The following PBRM1 variants were observed in gnomAD, a reference collection of about 807,000 sequenced individuals.
PBRM1 encodes protein polybromo-1.
PBRM1 carries 27 observed loss-of-function variants against 194.5 expected under a neutral mutation model. The ratio of observed to expected loss-of-function variants is 0.14; its 90% CI spans 0.10 to 0.19. PBRM1 has a LOEUF of 0.19. Among genes scored for constraint, PBRM1 ranks in the 10% least tolerant of loss-of-function variants. The pLI, the probability that PBRM1 is intolerant of heterozygous loss-of-function variation, is 1.00. For synonymous variants in PBRM1, 655 were observed against 693.2 expected, an observed-to-expected ratio of 0.94 and a Z score of 0.87; for missense variants, 1,466 against 2,077.2, an observed-to-expected ratio of 0.71 and a Z score of 5.72.
intron 4 of PBRM1, among the ~76,000 whole-genome samples, chr3:52,659,206 C>T (rs2096668222): frequency 6.6e-6 from 1 of 152,150 alleles, no homozygotes; most frequent in African/African-American, 2.4e-5. Context: ...GAAGTATATG[C>T]CCCAAAGAGT....
At chr3:52,605,034 T>G (rs966680752) in intron 16 of PBRM1, among the ~76,000 whole-genome samples, 3 of 152,020 alleles carry the variant, frequency 2.0e-5, no homozygotes, top group African/African-American at 7.2e-5. Flanking sequence ...CTTTAGAATT[T>G]TGACTGGAGG....
chr3:52,618,402 C>T (rs1449824133), intron 13 of PBRM1, among the ~76,000 whole-genome samples: 2 of 152,070 alleles, frequency 1.3e-5, no homozygotes, highest in African/African-American at 4.8e-5. Flanking sequence ...AAAAGACTTG[C>T]CCAAGGTAAG....
rs869059650 is a variant in PBRM1, at chr3:52,674,627, CA to C, written c.236+3872del. Among the ~76,000 whole-genome samples the C allele has an allele frequency of 5.2e-3, 564 of 109,040 alleles. 2 individuals carry two copies. Among genetic ancestry groups the C allele is most frequent in the Non-Finnish European group, 6.7e-3 (399 of 59,234 alleles). 71.5% of individuals were successfully genotyped at this position (109,040 alleles called of 152,430 possible). ...CAACACAGGGAAACCCTGTCTCTAC[CA>C]AAAAAAAAAAAAAAAATATATATAT... On this transcript the variant is annotated intron_variant, in intron 2 of 29. Coordinates refer to ENST00000296302, the Ensembl canonical transcript of PBRM1.
At chr3:52,589,383 G>A (rs1560126258) in intron 17 of PBRM1, 128 bp from the exon 20 acceptor site, 5 of 517,374 alleles carry the variant, frequency 9.7e-6, no homozygotes, top group Non-Finnish European at 1.3e-5. Context: ...TGCAACATGC[G>A]AAGGCAGGAA....
intron 10 of PBRM1, among the ~76,000 whole-genome samples, chr3:52,641,446 CAAAAAAAAAAAA>C (rs386396638): frequency 1.4e-5 from 1 of 69,958 alleles, no homozygotes; most frequent in African/African-American, 6.1e-5. Context: ...GACTCCATCT[CAAAAAAAAAAAA>C]AAAAAGAAAA....
intron 10 of PBRM1, among the ~76,000 whole-genome samples, chr3:52,641,459 A>AG (rs1416753143): frequency 6.7e-6 from 1 of 148,382 alleles, no homozygotes; most frequent in East Asian, 1.9e-4. Flanking sequence ...AAAAAAAAAA[A>AG]AAAAGAAAAA....
At chr3:52,652,499 TA>T (rs1369033094) in intron 5 of PBRM1, among the ~76,000 whole-genome samples, 1 of 149,202 alleles carries the variant, frequency 6.7e-6, no homozygotes, top group Admixed American at 6.7e-5. Flanking sequence ...CCATCCTGGC[TA>T]ACGTGGTGAA....
chr3:52,646,529 A>AAACTAAAT (rs2096293309), intron 7 of PBRM1, among the ~76,000 whole-genome samples: 1 of 152,230 alleles, frequency 6.6e-6, no homozygotes, highest in South Asian at 2.1e-4. Context: ...AAACTAACCA[A>AAACTAAAT]GTCTGGCATA....
chr3:52,571,512 G>A (rs2087193966), intron 22 of PBRM1, among the ~76,000 whole-genome samples: 1 of 150,328 alleles, frequency 6.7e-6, no homozygotes, highest in South Asian at 2.1e-4. Context: ...TGTAGTCCCA[G>A]CTACTCAGGA....
At chr3:52,611,266 T>C (rs1298023715) in intron 15 of PBRM1, among the ~76,000 whole-genome samples, 1 of 152,150 alleles carries the variant, frequency 6.6e-6, no homozygotes, top group African/African-American at 2.4e-5. Context: ...AGGAATAAAA[T>C]TAAAAACTAT....
At chr3:52,685,305 A>G (rs2097293919) in intron 1 of PBRM1, 2 of 152,220 alleles carry the variant, frequency 1.3e-5, no homozygotes, top group African/African-American at 4.8e-5. Context: ...CTATAAATAC[A>G]AGTCCCATTG....
At chr3:52,671,815 C>A (rs992338257) in intron 2 of PBRM1, among the ~76,000 whole-genome samples, 6 of 152,132 alleles carry the variant, frequency 3.9e-5, no homozygotes, top group Admixed American at 2.0e-4. Context: ...ACAGGGCTCT[C>A]CTAATTCAGG....
At chr3:52,642,922 G>C (rs2096158038) in intron 9 of PBRM1, among the ~76,000 whole-genome samples, 1 of 151,872 alleles carries the variant, frequency 6.6e-6, no homozygotes, top group South Asian at 2.1e-4. Flanking sequence ...AAGTAGCTGG[G>C]ATTACAGGCA....
chr3:52,645,975 GA>G (rs1577454274), intron 7 of PBRM1, among the ~76,000 whole-genome samples: 2 of 152,132 alleles, frequency 1.3e-5, no homozygotes, highest in African/African-American at 4.8e-5. Context: ...TCAAAATACA[GA>G]TGCACTTCTA....
At chr3:52,589,924 G>T (rs1451441288) in intron 17 of PBRM1, among the ~76,000 whole-genome samples, 1 of 151,930 alleles carries the variant, frequency 6.6e-6, no homozygotes, top group Admixed American at 6.6e-5. Flanking sequence ...TGCCTCCCAG[G>T]TTCAAGCAAT....
chr3:52,617,897 T>G (rs778200351), intron 13 of PBRM1, among the ~76,000 whole-genome samples: 1 of 152,216 alleles, frequency 6.6e-6, no homozygotes, highest in Non-Finnish European at 1.5e-5. Flanking sequence ...ACAGCCAAAG[T>G]GCAATAAAAC....
intron 2 of PBRM1, among the ~76,000 whole-genome samples, chr3:52,672,817 T>C (rs992304680): frequency 6.6e-6 from 1 of 150,990 alleles, no homozygotes; most frequent in Non-Finnish European, 1.5e-5. Flanking sequence ...TTGAAGAGAA[T>C]AGTGATTATA....
intron 11 of PBRM1, among the ~76,000 whole-genome samples, chr3:52,632,427 A>C (rs996794837): frequency 2.0e-5 from 3 of 152,132 alleles, no homozygotes; most frequent in Non-Finnish European, 2.9e-5. Context: ...AAAACATTTA[A>C]AAAAATTAGC....
At chr3:52,679,066 C>T (rs1052458797) in intron 1 of PBRM1, among the ~76,000 whole-genome samples, 3 of 152,186 alleles carry the variant, frequency 2.0e-5, no homozygotes, top group Non-Finnish European at 4.4e-5. Flanking sequence ...ATCCCCTGCT[C>T]TGTAACCAAG....
Sources: allele counts gnomAD v4.1 joint callset (sites outside exome capture counted in the v4.1 genomes callset), GRCh38; gene constraint gnomAD v4.1.1; transcripts MANE v1.5; gene names NCBI Gene and HGNC (gene_info 2026-07-23, HGNC 2026-07-21).